The following GLDC variants were observed in gnomAD, a reference collection of about 807,000 sequenced individuals.
GLDC encodes the protein glycine decarboxylase.
Under a neutral mutation model 121.3 loss-of-function variants are expected in GLDC, and 104 were observed. The observed-to-expected ratio is 0.86, with a 90% CI of 0.73 to 1.01. The LOEUF is 1.01. GLDC is among the 50% of genes least tolerant of loss of function. The pLI is 0.00. For missense variants in GLDC, 1,429 were observed against 1,306.6 expected, an observed-to-expected ratio of 1.09 and a Z score of -1.44; for synonymous variants, 546 against 480.6, an observed-to-expected ratio of 1.14 and a Z score of -1.78.
intron 2 of GLDC, among the ~76,000 whole-genome samples, chr9:6,641,235 T>C (rs1229967063): frequency 6.6e-6 from 1 of 152,218 alleles, no homozygotes; most frequent in Non-Finnish European, 1.5e-5. Flanking sequence ...CCCAGATTTA[T>C]CTAGCAGAGC....
At chr9:6,572,932 C>G (rs1388250902) in intron 15 of GLDC, among the ~76,000 whole-genome samples, 1 of 152,148 alleles carries the variant, frequency 6.6e-6, no homozygotes, top group African/African-American at 2.4e-5. Flanking sequence ...AGGCAGATCT[C>G]ACAAACAGGT....
At chr9:6,628,074 A>G (rs1425473824) in intron 2 of GLDC, among the ~76,000 whole-genome samples, 3 of 152,216 alleles carry the variant, frequency 2.0e-5, no homozygotes, top group Admixed American at 6.5e-5. Context: ...CACAGAATCC[A>G]GTGTCTAAGT....
chr9:6,643,692 C>T (rs940490450), intron 2 of GLDC, among the ~76,000 whole-genome samples: 10 of 151,904 alleles, frequency 6.6e-5, no homozygotes, highest in Non-Finnish European at 1.2e-4. Flanking sequence ...TATGACTAAA[C>T]TGACCTTTCT....
intron 2 of GLDC, among the ~76,000 whole-genome samples, chr9:6,640,744 A>G (rs913650429): frequency 6.6e-6 from 1 of 152,216 alleles, no homozygotes; most frequent in Non-Finnish European, 1.5e-5. Flanking sequence ...CTTGAGATGA[A>G]TTCACTGAAA....
intron 22 of GLDC, among the ~76,000 whole-genome samples, chr9:6,539,345 G>T (rs1224374592): frequency 6.6e-6 from 1 of 152,046 alleles, no homozygotes; most frequent in African/African-American, 2.4e-5. Context: ...TGGGTATGGT[G>T]GTGTGCACCT....
chr9:6,615,713 T>C (rs1321324359), intron 3 of GLDC, among the ~76,000 whole-genome samples: 1 of 151,148 alleles, frequency 6.6e-6, no homozygotes, highest in African/African-American at 2.4e-5. Flanking sequence ...TGGGTTCAAG[T>C]GATTCTCCTG....
intron 15 of GLDC, among the ~76,000 whole-genome samples, chr9:6,573,813 G>A (rs1249849866): frequency 1.3e-5 from 2 of 152,140 alleles, no homozygotes; most frequent in Non-Finnish European, 2.9e-5. Context: ...ACCTTCAGAG[G>A]ACCACTCTCA....
chr9:6,609,993 G>A (rs550104065), intron 4 of GLDC, among the ~76,000 whole-genome samples, 199 bp downstream of exon 4: 11 of 152,202 alleles, frequency 7.2e-5, no homozygotes, highest in South Asian at 6.2e-4. Flanking sequence ...ACCAAAATCC[G>A]GGTGGAGACA....
At chr9:6,595,184 T>C (rs1266801696) in intron 8 of GLDC, 65 bp from the exon 9 acceptor site, 3 of 1,061,220 alleles carry the variant, frequency 2.8e-6, no homozygotes, top group Non-Finnish European at 4.4e-6. Flanking sequence ...GTGTAATTAC[T>C]TGACTTGGGA....
intron 10 of GLDC, 94 bp from the exon 11 acceptor site, chr9:6,592,317 C>G (rs1396316866): frequency 3.7e-6 from 3 of 800,590 alleles, no homozygotes; most frequent in Non-Finnish European, 4.4e-6. Context: ...CAGTGCTAAA[C>G]AAAATCCCAT....
At chr9:6,638,637 CT>C (rs2130008484) in intron 2 of GLDC, among the ~76,000 whole-genome samples, 1 of 147,500 alleles carries the variant, frequency 6.8e-6, no homozygotes, top group East Asian at 2.0e-4. Context: ...GCACCTAGAA[CT>C]TTTTAACTGT....
At chr9:6,629,958 T>TATATATATATATGTATACA in intron 2 of GLDC, among the ~76,000 whole-genome samples, 3 of 78,678 alleles carry the variant, frequency 3.8e-5, no homozygotes, top group Admixed American at 1.3e-4. Context: ...TATATATATA[T>TATATATATATATGTATACA]TTTTTTTTTT....
intron 2 of GLDC, among the ~76,000 whole-genome samples, chr9:6,624,121 G>C (rs1403837327): frequency 1.3e-5 from 2 of 152,214 alleles, no homozygotes; most frequent in African/African-American, 2.4e-5. Context: ...AGGTCACTGA[G>C]GGGAGACCCC....
Position 6,553,352 on chromosome 9 carries a change from T to A in GLDC, c.2457+16A>T. 6.2e-7 allele frequency: 1 copy of A among 1,613,384 alleles called. No individual in the cohort carries two copies. Among genetic ancestry groups the A allele is most frequent in the Non-Finnish European group, 8.5e-7 (1 of 1,179,556 alleles). On this transcript the variant is annotated intron_variant, in intron 20 of 24. Coordinates refer to ENST00000321612, the MANE Select transcript of GLDC (RefSeq NM_000170.3). ...CCCCACCCACCTGCACACCTGCACA[T>A]ACTCCCAGGCCTCACCTTGATATAA... is the stretch of plus-strand genomic sequence containing the variant.
intron 11 of GLDC, among the ~76,000 whole-genome samples, chr9:6,591,635 A>G (rs1407395700): frequency 6.6e-6 from 1 of 152,052 alleles, no homozygotes; most frequent in Non-Finnish European, 1.5e-5. Flanking sequence ...CCCAGGCTAG[A>G]GTGCAATGGC....
intron 15 of GLDC, among the ~76,000 whole-genome samples, chr9:6,582,045 T>C (rs1458404641): frequency 6.7e-6 from 1 of 149,838 alleles, no homozygotes; most frequent in Non-Finnish European, 1.5e-5. Context: ...TGAAACCCGA[T>C]CTCCACTAAA....
At chr9:6,638,106 C>A (rs556777832) in intron 2 of GLDC, among the ~76,000 whole-genome samples, 1 of 152,032 alleles carries the variant, frequency 6.6e-6, no homozygotes, top group African/African-American at 2.4e-5. Context: ...GGGATGATCC[C>A]GCAACAACAT....
At chr9:6,622,938 C>G (rs188616857) in intron 2 of GLDC, 4 of 200,428 alleles carry the variant, frequency 2.0e-5, no homozygotes, top group Middle Eastern at 4.2e-3. Flanking sequence ...GCCGCGACCC[C>G]GTCTGGGAGG....
intron 21 of GLDC, among the ~76,000 whole-genome samples, chr9:6,544,425 C>G (rs1464117650): frequency 6.6e-6 from 1 of 152,058 alleles, no homozygotes; most frequent in African/African-American, 2.4e-5. Context: ...AGGCAGAAGA[C>G]CTGAGGTCAA....
Sources: allele counts gnomAD v4.1 joint callset (sites outside exome capture counted in the v4.1 genomes callset), GRCh38; gene constraint gnomAD v4.1.1; transcripts MANE v1.5; gene names NCBI Gene and HGNC (gene_info 2026-07-23, HGNC 2026-07-21).